The following ADAMTSL1 variants were observed in gnomAD, a reference collection of about 807,000 sequenced individuals.
ADAMTSL1 encodes ADAMTS-like protein 1.
ADAMTSL1 carries 126 observed loss-of-function variants against 201.8 expected under a neutral mutation model. The ratio of observed to expected loss-of-function variants is 0.62; its 90% CI spans 0.54 to 0.72. The LOEUF is 0.72. ADAMTSL1 is among the 30% of genes least tolerant of loss of function. The pLI is 0.00. For synonymous variants in ADAMTSL1, 1,121 were observed against 903.4 expected (o/e 1.24, Z -4.32); for missense variants, 2,679 against 2,277.8 (o/e 1.18, Z -3.59).
At chr9:18,650,173 G>A (rs538122513) in intron 7 of ADAMTSL1, among the ~76,000 whole-genome samples, 67 of 152,314 alleles carry the variant, frequency 4.4e-4, no homozygotes, top group African/African-American at 1.5e-3. Context: ...GTGAGACTCC[G>A]TGGGCGTGGG....
intron 2 of ADAMTSL1, among the ~76,000 whole-genome samples, chr9:18,290,681 A>G (rs796672146): frequency 6.6e-6 from 1 of 152,070 alleles, no homozygotes; most frequent in South Asian, 2.1e-4. Context: ...AAAGGAAAAC[A>G]ACCAATGAAA....
intron 23 of ADAMTSL1, among the ~76,000 whole-genome samples, chr9:18,830,928 A>G (rs899140289): frequency 4.0e-4 from 61 of 152,242 alleles, no homozygotes; most frequent in African/African-American, 1.4e-3. Flanking sequence ...AGCTAGAATT[A>G]TTCCTGTGGC....
chr9:18,768,530 C>T (rs1475953905), intron 16 of ADAMTSL1, among the ~76,000 whole-genome samples: 1 of 139,110 alleles, frequency 7.2e-6, no homozygotes, highest in Non-Finnish European at 1.6e-5. Flanking sequence ...TTTTGTTAGC[C>T]TTCAATGCTT....
chr9:18,775,500 G>A (rs866936194), intron 17 of ADAMTSL1, among the ~76,000 whole-genome samples: 5 of 152,154 alleles, frequency 3.3e-5, no homozygotes, highest in African/African-American at 7.2e-5. Flanking sequence ...CTGAAGCCCA[G>A]ACTATATATG....
intron 4 of ADAMTSL1, among the ~76,000 whole-genome samples, chr9:18,579,255 A>G (rs954097110): frequency 6.7e-6 from 1 of 149,702 alleles, no homozygotes; most frequent in Non-Finnish European, 1.5e-5. Flanking sequence ...ACAAAAAACC[A>G]AACGCCGCAT....
At chr9:18,579,885 G>A (rs117932626) in intron 4 of ADAMTSL1, among the ~76,000 whole-genome samples, 1,727 of 152,248 alleles carry the variant, frequency 0.011, 14 homozygotes, top group Non-Finnish European at 0.019. Context: ...GCACAAAGCC[G>A]GTTTCTGTTT....
intron 1 of ADAMTSL1, among the ~76,000 whole-genome samples, chr9:18,151,498 G>T (rs993379910): frequency 1.3e-5 from 2 of 151,600 alleles, no homozygotes; most frequent in Non-Finnish European, 2.9e-5. Context: ...TACTGTATTT[G>T]ATTATTTGAA....
intron 1 of ADAMTSL1, among the ~76,000 whole-genome samples, chr9:17,932,111 C>T (rs561525108): frequency 2.0e-5 from 3 of 152,280 alleles, no homozygotes; most frequent in Admixed American, 6.5e-5. Context: ...GTCTTCCCCC[C>T]AAGTAGAGGA....
intron 1 of ADAMTSL1, among the ~76,000 whole-genome samples, chr9:18,071,903 C>A (rs1020202414): frequency 3.9e-5 from 6 of 152,162 alleles, no homozygotes; most frequent in Non-Finnish European, 8.8e-5. Context: ...GTGTCCCTTG[C>A]TAGAACATGA....
intron 23 of ADAMTSL1, among the ~76,000 whole-genome samples, chr9:18,844,063 T>C (rs539504312): frequency 3.2e-4 from 48 of 152,374 alleles, no homozygotes; most frequent in Non-Finnish European, 2.4e-4. Flanking sequence ...TCCAGCTTTG[T>C]TCCATTGCTG....
chr9:18,449,972 C>G (rs1263907364), intron 2 of ADAMTSL1, among the ~76,000 whole-genome samples: 1 of 152,100 alleles, frequency 6.6e-6, no homozygotes, highest in Non-Finnish European at 1.5e-5. Context: ...CAGCTGCTTA[C>G]ATTAAGTTAA....
chr9:18,826,500 T>G, intron 22 of ADAMTSL1, 37 bp downstream of exon 22: 1 of 1,588,422 alleles, frequency 6.3e-7, no homozygotes, highest in South Asian at 1.1e-5. Context: ...TGCTGCACCC[T>G]GTTGGGAGTG....
At chr9:18,582,851 A>G (rs1823197054) in intron 4 of ADAMTSL1, among the ~76,000 whole-genome samples, 1 of 144,644 alleles carries the variant, frequency 6.9e-6, no homozygotes, top group Non-Finnish European at 1.5e-5. Context: ...TCCATCTCAA[A>G]ATAAAATAAA....
rs139220360 is a variant in ADAMTSL1 at position 18,235,683 on chromosome 9, A to G, written c.207+71702A>G. On this transcript the variant is annotated intron_variant, in intron 2 of 29. Transcript: ENST00000680146. ...CACCCATGTTAAGAGAGGTTCTATA[A>G]TCTGCCCACAGTTACACAGCTTTTG... 5.9e-3 allele frequency among the ~76,000 whole-genome samples: 897 copies of G among 152,302 alleles called. 7 individuals are homozygous for G. The highest frequency in any genetic ancestry group is 0.02 in the African/African-American group (835 of 41,562).
chr9:18,502,210 A>T (rs1822879820), intron 1 of ADAMTSL1, among the ~76,000 whole-genome samples: 1 of 152,202 alleles, frequency 6.6e-6, no homozygotes, highest in Admixed American at 6.5e-5. Flanking sequence ...GTAGTAACGG[A>T]TAGCATCAAA....
intron 2 of ADAMTSL1, among the ~76,000 whole-genome samples, chr9:18,292,436 T>C (rs967821717): frequency 6.6e-6 from 1 of 152,164 alleles, no homozygotes; most frequent in East Asian, 1.9e-4. Context: ...ATATTGAGCG[T>C]CAACTTGATT....
chr9:18,049,229 G>T (rs142984013), intron 1 of ADAMTSL1, among the ~76,000 whole-genome samples: 17 of 152,246 alleles, frequency 1.1e-4, no homozygotes, highest in African/African-American at 3.9e-4. Context: ...CATGGGTTAG[G>T]ACTCTGACAT....
intron 3 of ADAMTSL1, among the ~76,000 whole-genome samples, chr9:18,549,343 C>A (rs1820658399): frequency 6.6e-6 from 1 of 152,010 alleles, no homozygotes; most frequent in Non-Finnish European, 1.5e-5. Context: ...TGGAACATAA[C>A]TGTCAGTGTA....
chr9:18,500,418 G>A (rs1822772470), intron 1 of ADAMTSL1, among the ~76,000 whole-genome samples: 2 of 152,178 alleles, frequency 1.3e-5, no homozygotes, highest in South Asian at 4.1e-4. Context: ...AGAACGTCTT[G>A]ACTGGCCAGG....
Sources: gnomAD v4.1 joint callset for allele counts (sites outside exome capture counted in the v4.1 genomes callset) on GRCh38, gnomAD v4.1.1 for gene constraint, MANE v1.5 for transcripts, NCBI Gene and HGNC (gene_info 2026-07-23, HGNC 2026-07-21) for gene names.